Variants in GTF3C2 observed in about 807,000 individuals in gnomAD.
GTF3C2 encodes general transcription factor 3C polypeptide 2.
GTF3C2 carries 17 observed loss-of-function variants against 117.4 expected under a neutral mutation model. The ratio of observed to expected loss-of-function variants is 0.14; its 90% confidence interval spans 0.10 to 0.22. The LOEUF is 0.22. Among genes scored for constraint, GTF3C2 ranks in the 10% least tolerant of loss-of-function variants. GTF3C2 has a pLI of 1.00. For missense variants in GTF3C2, 888 were observed against 1,143.6 expected, an observed-to-expected ratio of 0.78 and a Z score of 3.22; for synonymous variants, 437 against 427.0, an observed-to-expected ratio of 1.02 and a Z score of -0.29.
intron 1 of GTF3C2, among the ~76,000 whole-genome samples, chr2:27,355,551 G>GGCA (rs1446420837): frequency 6.6e-6 from 1 of 151,716 alleles, no homozygotes; most frequent in Non-Finnish European, 1.5e-5. Context: ...TCTCATGGAA[G>GGCA]GCAGCAGCAG....
chr2:27,344,533 T>A (rs906986389), intron 1 of GTF3C2, among the ~76,000 whole-genome samples: 4 of 151,978 alleles, frequency 2.6e-5, no homozygotes, highest in Non-Finnish European at 5.9e-5. Context: ...AGAGAAAAAT[T>A]TGTCTAGCAT....
At chr2:27,332,030 G>A (rs1203299596) in intron 12 of GTF3C2, among the ~76,000 whole-genome samples, 1 of 152,150 alleles carries the variant, frequency 6.6e-6, no homozygotes, top group Non-Finnish European at 1.5e-5. Context: ...GTATCTTGGA[G>A]GAACTAGTGT....
intron 1 of GTF3C2, chr2:27,350,412 A>T (rs1681089004): frequency 1.0e-6 from 1 of 985,346 alleles, no homozygotes; most frequent in Admixed American, 6.2e-5. Context: ...TGCATAAATA[A>T]ATGATCACGA....
At chr2:27,355,387 G>A (rs147000248) in intron 1 of GTF3C2, among the ~76,000 whole-genome samples, 2,998 of 152,212 alleles carry the variant, frequency 0.02, 106 homozygotes, top group African/African-American at 0.069. Context: ...GGGCATGGTG[G>A]CACGCGCCTG....
At chr2:27,356,284 C>T in intron 1 of GTF3C2, 1 of 397,352 alleles carries the variant, frequency 2.5e-6, no homozygotes, top group African/African-American at 2.1e-5. Flanking sequence ...GAGGAAGAGG[C>T]TGGGACACAG....
At position 27,336,469 on chromosome 2, in the gene GTF3C2, A is replaced by G. The variant is rs145671954; in HGVS notation, c.1128-44T>C. ...TGGGATGAAGAAAGGAATTAATGAA[A>G]GGTAATGAGGACTGAATGGGCGCTC... On this transcript the variant is annotated intron_variant, in intron 7 of 18. Coordinates refer to ENST00000264720, the Ensembl canonical transcript of GTF3C2. 4.9e-6 allele frequency: 6 copies of G among 1,218,068 alleles called. No homozygotes were observed. In the African/African-American group the frequency reaches 7.4e-5, roughly 15 times the overall value. 75.5% of individuals were successfully genotyped at this position (1,218,068 alleles called of 1,614,324 possible).
exon 19 of GTF3C2, chr2:27,326,332 A>T (rs1416007032): frequency 4.3e-6 from 2 of 460,772 alleles, no homozygotes; most frequent in Non-Finnish European, 8.4e-6. Context: ...GTGGTCACAA[A>T]AACACCCAGT....
chr2:27,339,489 G>A (rs762920475), intron 4 of GTF3C2: 2 of 151,662 alleles, frequency 1.3e-5, no homozygotes, highest in Admixed American at 1.3e-4. Flanking sequence ...GTTCATCATG[G>A]AACGAAATAT....
intron 1 of GTF3C2, among the ~76,000 whole-genome samples, chr2:27,354,553 G>T (rs1222653167): frequency 6.6e-6 from 1 of 152,152 alleles, no homozygotes; most frequent in African/African-American, 2.4e-5. Flanking sequence ...TTGAGGTCAG[G>T]AGACTAGCCT....
At chr2:27,331,206 T>C (rs375862532) in intron 12 of GTF3C2, among the ~76,000 whole-genome samples, 11 of 152,206 alleles carry the variant, frequency 7.2e-5, no homozygotes, top group African/African-American at 2.7e-4. Context: ...ATCATGTACC[T>C]TGACAATGTA....
intron 1 of GTF3C2, among the ~76,000 whole-genome samples, chr2:27,345,664 G>T (rs1414381882): frequency 1.3e-5 from 2 of 151,858 alleles, no homozygotes; most frequent in African/African-American, 2.4e-5. Flanking sequence ...GGGGTGGTGG[G>T]TAGACTATGG....
At chr2:27,327,022 GT>G (rs1305474713) in intron 18 of GTF3C2, 129 bp from the exon 19 acceptor site, 2 of 703,708 alleles carry the variant, frequency 2.8e-6, no homozygotes, top group Non-Finnish European at 4.8e-6. Context: ...GGTGACAGAG[GT>G]AAGAATGAAA....
chr2:27,352,855 C>T (rs1354640150), intron 1 of GTF3C2, among the ~76,000 whole-genome samples: 1 of 152,128 alleles, frequency 6.6e-6, no homozygotes, highest in Non-Finnish European at 1.5e-5. Context: ...TCAGCAGCTC[C>T]AACACTACTT....
chr2:27,328,383 C>T, intron 16 of GTF3C2, 85 bp downstream of exon 16: 1 of 1,419,300 alleles, frequency 7.0e-7, no homozygotes. Flanking sequence ...GCCGGGAGAC[C>T]TGACACTAGT....
At chr2:27,335,602 G>T in exon 10 of GTF3C2, 1 of 1,523,162 alleles carries the variant, frequency 6.6e-7, no homozygotes, top group Non-Finnish European at 8.9e-7. Context: ...ACTCACCTGG[G>T]GGTTGCTGAG....
chr2:27,345,583 ACT>A (rs1289842063), intron 1 of GTF3C2, among the ~76,000 whole-genome samples: 2 of 151,694 alleles, frequency 1.3e-5, no homozygotes, highest in East Asian at 3.9e-4. Flanking sequence ...ACAGAGTGAG[ACT>A]CTGTCTTTAA....
intron 1 of GTF3C2, among the ~76,000 whole-genome samples, chr2:27,347,962 T>G (rs530723922): frequency 6.6e-6 from 1 of 151,912 alleles, no homozygotes; most frequent in South Asian, 2.1e-4. Context: ...GGCAAAACCC[T>G]GTCTCTACAG....
rs10199436 is a variant in GTF3C2, at chr2:27,338,500, T to A, written c.856-480A>T. On this transcript the variant is annotated intron_variant, in intron 4 of 18. Coordinates refer to ENST00000264720, the Ensembl canonical transcript of GTF3C2. Reference sequence around the variant, plus strand: ...CACACACACTCCTGGTAATCTCATCTCATGTCCCATGGCTTTGACTACTGT... The same window carrying A: ...CACACACACTCCTGGTAATCTCATCACATGTCCCATGGCTTTGACTACTGT... 3.5e-3 allele frequency among the ~76,000 whole-genome samples: 526 copies of A among 152,230 alleles called. 2 individuals are homozygous for A. Among genetic ancestry groups the A allele is most frequent in the African/African-American group, 0.012 (507 of 41,540 alleles).
At chr2:27,346,015 A>AC (rs1329955541) in intron 1 of GTF3C2, among the ~76,000 whole-genome samples, 5 of 112,860 alleles carry the variant, frequency 4.4e-5, no homozygotes, top group African/African-American at 1.9e-4. Flanking sequence ...GTGCCCCGCC[A>AC]CTTTTTTTTT....
Sources: allele counts gnomAD v4.1 joint callset (sites outside exome capture counted in the v4.1 genomes callset), GRCh38; gene constraint gnomAD v4.1.1; transcripts MANE v1.5; gene names NCBI Gene and HGNC (gene_info 2026-07-23, HGNC 2026-07-21).